PLCE1: variants seen among roughly 807,000 people sequenced by gnomAD.
PLCE1 encodes the protein 1-phosphatidylinositol 4,5-bisphosphate phosphodiesterase epsilon-1.
In PLCE1, 119 loss-of-function variants were observed where a neutral mutation model predicts 242.8. That is an observed-to-expected ratio of 0.49 (90% CI 0.42 to 0.57). The LOEUF is 0.57. Ranked by LOEUF, PLCE1 falls within the 20% of genes least tolerant of loss-of-function variation. The pLI, the probability that PLCE1 is intolerant of heterozygous loss-of-function variation, is 0.00. For missense variants in PLCE1, 2,441 were observed against 2,788.8 expected, an observed-to-expected ratio of 0.88 and a Z score of 2.81; for synonymous variants, 945 against 1,017.4, an observed-to-expected ratio of 0.93 and a Z score of 1.35.
intron 1 of PLCE1, among the ~76,000 whole-genome samples, chr10:94,023,806 G>T (rs1233351266): frequency 2.6e-5 from 4 of 152,180 alleles, no homozygotes; most frequent in Admixed American, 1.3e-4. Context: ...AAAGATTAGG[G>T]TATCTGGGTT....
At chr10:94,162,622 A>AT (rs1438022615) in intron 3 of PLCE1, among the ~76,000 whole-genome samples, 2 of 151,974 alleles carry the variant, frequency 1.3e-5, no homozygotes, top group Non-Finnish European at 2.9e-5. Flanking sequence ...GGATTCATTG[A>AT]TTTTTTGAAG....
chr10:94,162,882 C>A (rs2047664185), intron 3 of PLCE1, among the ~76,000 whole-genome samples: 2 of 152,172 alleles, frequency 1.3e-5, no homozygotes, highest in South Asian at 4.1e-4. Flanking sequence ...TTTCAAGGAA[C>A]ATCTTTATTT....
At chr10:94,281,535 C>T (rs994617878) in intron 20 of PLCE1, among the ~76,000 whole-genome samples, 1 of 152,154 alleles carries the variant, frequency 6.6e-6, no homozygotes, top group East Asian at 1.9e-4. Context: ...TAACAATCCA[C>T]ATATGCAGAG....
chr10:94,314,470 T>C (rs949392494), intron 28 of PLCE1, among the ~76,000 whole-genome samples: 2 of 152,122 alleles, frequency 1.3e-5, no homozygotes, highest in Non-Finnish European at 2.9e-5. Context: ...GGCGCACATC[T>C]GTAGTCCCAG....
intron 20 of PLCE1, among the ~76,000 whole-genome samples, chr10:94,281,644 A>ATCTAT (rs2052227893): frequency 6.6e-6 from 1 of 152,148 alleles, no homozygotes. Context: ...TAGATGCCTC[A>ATCTAT]GATATGTAAT....
At chr10:94,269,701 G>A (rs2051655113) in intron 17 of PLCE1, among the ~76,000 whole-genome samples, 1 of 152,310 alleles carries the variant, frequency 6.6e-6, no homozygotes, top group Non-Finnish European at 1.5e-5. Flanking sequence ...TTGTCCTAGT[G>A]TCATGCTGAC....
intron 1 of PLCE1, among the ~76,000 whole-genome samples, chr10:94,023,061 T>C (rs1025461741): frequency 2.0e-5 from 3 of 152,068 alleles, no homozygotes; most frequent in Admixed American, 6.6e-5. Flanking sequence ...CATGACATGA[T>C]GTGGTGGTGG....
intron 2 of PLCE1, among the ~76,000 whole-genome samples, chr10:94,072,179 G>C (rs1274314890): frequency 6.6e-6 from 1 of 152,194 alleles, no homozygotes; most frequent in African/African-American, 2.4e-5. Context: ...ATTTGAATTT[G>C]AATGTTCTTG....
At chr10:94,237,767 A>G (rs187999549) in intron 7 of PLCE1, among the ~76,000 whole-genome samples, 42 of 152,282 alleles carry the variant, frequency 2.8e-4, no homozygotes, top group Admixed American at 1.3e-3. Context: ...ATCAGTAAGC[A>G]CTATTTCTGT....
At chr10:94,261,410 T>C (rs532655477) in intron 13 of PLCE1, among the ~76,000 whole-genome samples, 176 of 152,342 alleles carry the variant, frequency 1.2e-3, no homozygotes, top group Non-Finnish European at 2.1e-3. Flanking sequence ...TACTGAAGTA[T>C]ATCTTGGTTG....
At chr10:94,313,699 A>G (rs1407376512) in intron 28 of PLCE1, among the ~76,000 whole-genome samples, 1 of 152,120 alleles carries the variant, frequency 6.6e-6, no homozygotes, top group Non-Finnish European at 1.5e-5. Context: ...CCAACCATAT[A>G]TACACTTTCG....
intron 22 of PLCE1, among the ~76,000 whole-genome samples, chr10:94,291,101 C>T (rs1305622385): frequency 4.6e-5 from 7 of 152,168 alleles, no homozygotes; most frequent in Admixed American, 1.3e-4. Context: ...ATTAGGATTT[C>T]TGAAGGAAGA....
intron 1 of PLCE1, among the ~76,000 whole-genome samples, chr10:93,999,468 G>A (rs1232571597): frequency 6.6e-6 from 1 of 152,194 alleles, no homozygotes; most frequent in Non-Finnish European, 1.5e-5. Context: ...TGGCTGTTGA[G>A]TCTGACACTA....
Position 94,236,096 on chromosome 10 carries a change from C to T in PLCE1, c.2396C>T (p.Ser799Phe). The change falls in exon 7 of 33, where the codon TCC becomes TTC. Residue 799 changes from serine to phenylalanine, a missense_variant. Ser to Phe is a radical substitution (Grantham distance 155, BLOSUM62 -2). Coordinates refer to ENST00000371380, the MANE Select transcript of PLCE1 (RefSeq NM_016341.4). Reference protein sequence around the residue: ...PSEGNSSRKSSLKDKSRWQFI... With the variant: ...PSEGNSSRKSFLKDKSRWQFI... The stretch of plus-strand genomic sequence containing the variant: ...GAAGGAAACAGCTCCAGGAAAAGCT[C>T]CTTGAAGGATAAAAGCCGATGGCAG... 6.2e-7 allele frequency: 1 copy of T among 1,613,736 alleles called. No individual in the cohort carries two copies. Among genetic ancestry groups the T allele is most frequent in the South Asian group, 1.1e-5 (1 of 91,062 alleles).
chr10:94,012,021 G>T (rs2061178333), intron 1 of PLCE1, among the ~76,000 whole-genome samples: 1 of 152,166 alleles, frequency 6.6e-6, no homozygotes, highest in Non-Finnish European at 1.5e-5. Flanking sequence ...GCTAACTGCA[G>T]CACCTCTTCA....
chr10:94,051,928 T>C (rs2043776636), intron 2 of PLCE1, among the ~76,000 whole-genome samples: 1 of 152,252 alleles, frequency 6.6e-6, no homozygotes. Context: ...TAAAGTGACC[T>C]CTTCTCCAAT....
chr10:94,326,826 T>C (rs2054034274), intron 32 of PLCE1, among the ~76,000 whole-genome samples: 1 of 152,194 alleles, frequency 6.6e-6, no homozygotes, highest in South Asian at 2.1e-4. Context: ...AGCAAGCAGA[T>C]ATTTAGAATC....
chr10:94,105,510 C>T (rs960200938), intron 2 of PLCE1: 2 of 152,266 alleles, frequency 1.3e-5, no homozygotes, highest in Non-Finnish European at 2.9e-5. Flanking sequence ...CCCCTAAACA[C>T]ACACACACAC....
At chr10:94,217,358 A>G (rs1564797538) in intron 4 of PLCE1, among the ~76,000 whole-genome samples, 1 of 152,184 alleles carries the variant, frequency 6.6e-6, no homozygotes, top group African/African-American at 2.4e-5. Context: ...TAGGATCAGG[A>G]TAGTTCGGAG....
Sources: allele counts gnomAD v4.1 joint callset (sites outside exome capture counted in the v4.1 genomes callset), GRCh38; gene constraint gnomAD v4.1.1; transcripts MANE v1.5; gene names NCBI Gene and HGNC (gene_info 2026-07-23, HGNC 2026-07-21).